Variants in PHACTR3 observed in about 807,000 individuals in gnomAD.
The protein encoded by PHACTR3 is protein phosphatase 1, regulatory subunit 123.
PHACTR3 carries 16 observed loss-of-function variants against 66.8 expected under a neutral mutation model. The ratio of observed to expected loss-of-function variants is 0.24; its 90% CI spans 0.16 to 0.36. The LOEUF is 0.36. Ranked by LOEUF, PHACTR3 falls within the 10% of genes least tolerant of loss-of-function variation. The probability of loss-of-function intolerance (pLI) is 1.00; values close to 1 mark genes in which losing one functional copy is unlikely to be tolerated. For synonymous variants in PHACTR3, 323 were observed against 292.1 expected, an observed-to-expected ratio of 1.11 and a Z score of -1.08; for missense variants, 647 against 719.9, an observed-to-expected ratio of 0.90 and a Z score of 1.16.
intron 1 of PHACTR3, among the ~76,000 whole-genome samples, chr20:59,720,132 C>T (rs1393355479): frequency 6.6e-6 from 1 of 152,166 alleles, no homozygotes; most frequent in Non-Finnish European, 1.5e-5. Context: ...GACCAGTTAC[C>T]TTGCGGTGTG....
intron 1 of PHACTR3, among the ~76,000 whole-genome samples, chr20:59,715,029 G>C (rs1394583361): frequency 1.3e-5 from 2 of 152,078 alleles, no homozygotes; most frequent in Non-Finnish European, 2.9e-5. Context: ...TCCTATGTAA[G>C]AAACTTGCTA....
intron 1 of PHACTR3, among the ~76,000 whole-genome samples, chr20:59,654,418 C>T (rs532254728): frequency 1.3e-5 from 2 of 152,044 alleles, no homozygotes; most frequent in South Asian, 2.1e-4. Context: ...TAGGTGTTAA[C>T]AGCATTAGGT....
At chr20:59,792,158 T>C (rs1208795228) in intron 7 of PHACTR3, among the ~76,000 whole-genome samples, 3 of 151,992 alleles carry the variant, frequency 2.0e-5, no homozygotes, top group Admixed American at 1.3e-4. Flanking sequence ...CTTCTTGGAG[T>C]GGGGCTATCA....
intron 1 of PHACTR3, among the ~76,000 whole-genome samples, chr20:59,613,338 G>A (rs922644070): frequency 2.8e-4 from 42 of 152,194 alleles, no homozygotes; most frequent in African/African-American, 9.9e-4. Context: ...TTGCAACATG[G>A]TTGCTTCACC....
intron 7 of PHACTR3, among the ~76,000 whole-genome samples, chr20:59,775,592 G>A (rs2040510460): frequency 1.3e-5 from 2 of 152,240 alleles, no homozygotes; most frequent in South Asian, 4.2e-4. Flanking sequence ...AAGGGGTGGG[G>A]GTGCTGTCAC....
chr20:59,760,153 C>A lies in PHACTR3; in HGVS notation c.541+4789C>A, dbSNP rs1480396170. Reference sequence around the variant, plus strand: ...GTGGCAACATCCAGGACTGGAGTTGCAGCTTCCCCGTGCCCCAACCATGAT... The same window carrying A: ...GTGGCAACATCCAGGACTGGAGTTGAAGCTTCCCCGTGCCCCAACCATGAT... On this transcript the variant is annotated intron_variant, in intron 4 of 12. Coordinates refer to ENST00000371015, the MANE Select transcript of PHACTR3 (RefSeq NM_080672.5). Among the ~76,000 whole-genome samples, 3 of 152,184 alleles carry A rather than the reference C, an allele frequency of 2.0e-5. No homozygotes were observed. The East Asian group carries it at 5.8e-4, about 29-fold the overall frequency.
intron 1 of PHACTR3, among the ~76,000 whole-genome samples, chr20:59,580,541 A>G (rs1227797441): frequency 6.6e-6 from 1 of 151,536 alleles, no homozygotes; most frequent in East Asian, 1.9e-4. Context: ...GCTGACTCGT[A>G]GTGGGTTATT....
At position 59,846,677 on chromosome 20, in the gene PHACTR3, A is replaced by C. The variant is rs2059154650; in HGVS notation, c.1665-438A>C. Among the ~76,000 whole-genome samples the C allele has an allele frequency of 4.6e-5, 7 of 152,124 alleles. No homozygotes were observed. The South Asian group carries it at 1.5e-3, about 32-fold the overall frequency. On this transcript the variant is annotated intron_variant, in intron 12 of 12. Coordinates refer to ENST00000371015, the MANE Select transcript of PHACTR3 (RefSeq NM_080672.5). ...TTAAAATGTGGTATAAAGACCCTAA[A>C]ATTATTTCAACAATTCAAGAGTCAG...
chr20:59,835,153 A>G (rs1600743568), intron 8 of PHACTR3, among the ~76,000 whole-genome samples: 3 of 152,322 alleles, frequency 2.0e-5, no homozygotes, highest in East Asian at 3.9e-4. Context: ...TGTCATAGTC[A>G]TCTCCTGAGT....
intron 1 of PHACTR3, among the ~76,000 whole-genome samples, chr20:59,614,491 C>T (rs147287850): frequency 3.3e-4 from 50 of 152,270 alleles, no homozygotes; most frequent in African/African-American, 1.2e-3. Flanking sequence ...AGCTTGGCAA[C>T]GCACCTTATC....
chr20:59,674,624 GT>G (rs2036346312), intron 1 of PHACTR3, among the ~76,000 whole-genome samples: 1 of 53,936 alleles, frequency 1.9e-5, no homozygotes, highest in African/African-American at 1.0e-4. Flanking sequence ...CCCTTCTCCT[GT>G]CCCCGCTTCT....
At chr20:59,616,271 G>A (rs1253832812) in intron 1 of PHACTR3, among the ~76,000 whole-genome samples, 6 of 152,138 alleles carry the variant, frequency 3.9e-5, no homozygotes, top group East Asian at 1.9e-4. Context: ...GCTAGCATTC[G>A]CCTCCTCCTA....
rs2059000159 is a variant in PHACTR3 at position 59,838,330 on chromosome 20, T to C, written c.1384+1770T>C. On this transcript the variant is annotated intron_variant, in intron 9 of 12. Transcript: ENST00000371015. ...CAGGACTTCAAGCACTCATACTGTA[T>C]TGTATTTTCTTCTTGTAACCAATTC... Among the ~76,000 whole-genome samples, 4 of 152,182 alleles carry C rather than the reference T, an allele frequency of 2.6e-5. No individual in the cohort carries two copies. The South Asian group carries it at 8.3e-4, about 31-fold the overall frequency.
intron 7 of PHACTR3, among the ~76,000 whole-genome samples, chr20:59,781,608 C>T (rs981865183): frequency 5.3e-5 from 8 of 151,980 alleles, no homozygotes; most frequent in East Asian, 1.9e-4. Context: ...TGTGTCCCAG[C>T]GGCAAAAGAA....
chr20:59,759,103 C>G (rs1370411363), intron 4 of PHACTR3, among the ~76,000 whole-genome samples: 2 of 152,168 alleles, frequency 1.3e-5, no homozygotes, highest in African/African-American at 4.8e-5. Context: ...CAGATGCTCC[C>G]AGAGAGGCCA....
chr20:59,694,291 C>G (rs909473981), intron 1 of PHACTR3, among the ~76,000 whole-genome samples: 2 of 152,088 alleles, frequency 1.3e-5, no homozygotes, highest in African/African-American at 4.8e-5. Context: ...GCTTCTGTCT[C>G]CCTCTGCTTG....
rs1459819686 is a variant in PHACTR3 at position 59,747,739 on chromosome 20, G to A, written c.281-19G>A. On this transcript the variant is annotated intron_variant, in intron 2 of 12. Transcript: ENST00000371015. ...ACACCTTTGCCTGAGACTCACCTGT[G>A]TGTTTGTGTGTTGGGCAGCGCTGGA... The A allele has an allele frequency of 6.2e-6, 10 of 1,612,896 alleles. No homozygotes were observed. Among genetic ancestry groups the A allele is most frequent in the Non-Finnish European group, 8.5e-6 (10 of 1,179,468 alleles).
intron 1 of PHACTR3, among the ~76,000 whole-genome samples, chr20:59,667,667 A>G (rs979436039): frequency 2.8e-4 from 42 of 152,236 alleles, no homozygotes; most frequent in Admixed American, 9.8e-4. Context: ...TTTTCCTTCC[A>G]GGCCAGCCTG....
At chr20:59,722,026 C>T (rs530583036) in intron 1 of PHACTR3, among the ~76,000 whole-genome samples, 14 of 152,156 alleles carry the variant, frequency 9.2e-5, no homozygotes, top group African/African-American at 2.2e-4. Context: ...GTCAGGAGAT[C>T]GAGACCATCC....
Sources: allele counts gnomAD v4.1 joint callset (sites outside exome capture counted in the v4.1 genomes callset), GRCh38; gene constraint gnomAD v4.1.1; transcripts MANE v1.5; gene names NCBI Gene and HGNC (gene_info 2026-07-23, HGNC 2026-07-21).